Variants in SNX15 observed in about 807,000 individuals in gnomAD.
SNX15 encodes the protein sorting nexin 15, also known as sorting nexin-15.
A neutral mutation model predicts 35.2 loss-of-function variants in SNX15; 29 were observed. The ratio of observed to expected loss-of-function variants is 0.82; its 90% CI spans 0.61 to 1.12. The LOEUF is 1.12. Among genes scored for constraint, SNX15 ranks in the 50% most tolerant of loss-of-function variants. The pLI is 0.00. For missense variants in SNX15, 400 were observed against 451.5 expected (o/e 0.89, Z 1.03); for synonymous variants, 189 against 188.2 (o/e 1.00, Z -0.03).
Position 65,039,839 on chromosome 11 carries a change from C to G in SNX15, c.*47C>G. ...GGACTCTCGCTCCTGCACTGCCAGCCCCTTCTCCTCTCCCCAGGGCCTGGC... is the reference window on the plus strand; with the variant it reads ...GGACTCTCGCTCCTGCACTGCCAGCGCCTTCTCCTCTCCCCAGGGCCTGGC... On this transcript the variant is annotated 3_prime_UTR_variant, in exon 8 of 8. Transcript: ENST00000377244. The G allele has an allele frequency of 7.6e-7, 1 of 1,308,132 alleles. No individual in the cohort carries two copies. The highest frequency in any genetic ancestry group is 1.1e-6 in the Non-Finnish European group (1 of 918,368). The allele number at this position is 1,308,132 out of a possible 1,614,324, so 81.0% of individuals were successfully genotyped here.
chr11:65,033,158 G>T, intron 3 of SNX15, among the ~76,000 whole-genome samples: 1 of 152,114 alleles, frequency 6.6e-6, no homozygotes, highest in East Asian at 1.9e-4. Flanking sequence ...TTACAGGCGT[G>T]AGACACTGCA....
chr11:65,036,789 T>G (rs1946508645), intron 6 of SNX15: 1 of 151,850 alleles, frequency 6.6e-6, no homozygotes, highest in Admixed American at 6.6e-5. Context: ...TTCTCCTGCC[T>G]CAGCCTCCTG....
intron 7 of SNX15, 56 bp downstream of exon 7, chr11:65,038,885 G>A: frequency 2.8e-6 from 4 of 1,413,844 alleles, no homozygotes; most frequent in Non-Finnish European, 3.7e-6. Flanking sequence ...GGGCAGTGAT[G>A]AAGGGAGCAA....
chr11:65,031,896 C>CA (rs928440721), intron 1 of SNX15, among the ~76,000 whole-genome samples: 166 of 142,872 alleles, frequency 1.2e-3, no homozygotes, highest in Middle Eastern at 3.7e-3. Flanking sequence ...GACTCCATCT[C>CA]AAAAAAAAAA....
At position 65,032,452 on chromosome 11, in the gene SNX15, A is replaced by T. The variant is rs1946450801; in HGVS notation, c.157A>T (p.Ser53Cys). The T allele has an allele frequency of 6.2e-7, 1 of 1,614,040 alleles. No homozygotes were observed. The highest frequency in any genetic ancestry group is 8.5e-7 in the Non-Finnish European group (1 of 1,180,034). ...ATAGGTGGTGGTCTGGAAGCGGTACAGCGACTTCCGCAAGCTGCATGGAGA... is the reference window on the plus strand; with the variant it reads ...ATAGGTGGTGGTCTGGAAGCGGTACTGCGACTTCCGCAAGCTGCATGGAGA... ...VKEVVVWKRY[S>C]DFRKLHGDLA... Residue 53 changes from serine to cysteine, a missense_variant, in exon 3 of 8, where the codon AGC becomes TGC. Physicochemically the swap from Ser to Cys is moderately radical, Grantham distance 112. Coordinates refer to ENST00000377244, the MANE Select transcript of SNX15 (RefSeq NM_013306.5).
chr11:65,038,838 G>A lies in SNX15; in HGVS notation c.922+9G>A. The A allele has an allele frequency of 1.3e-6, 2 of 1,556,972 alleles. No individual in the cohort carries two copies. Among genetic ancestry groups the A allele is most frequent in the Non-Finnish European group, 1.7e-6 (2 of 1,148,758 alleles). Reference sequence around the variant, plus strand: ...GCTTCAGGGAGTCCCCAGTGAGTAGGGACTGAGGGTGGAGGGTCAGGCCTG... The same window carrying A: ...GCTTCAGGGAGTCCCCAGTGAGTAGAGACTGAGGGTGGAGGGTCAGGCCTG... On this transcript the variant is annotated intron_variant, in intron 7 of 7. Transcript: ENST00000377244.
intron 4 of SNX15, 36 bp downstream of exon 4, chr11:65,034,998 A>G (rs1426820411): frequency 6.2e-7 from 1 of 1,613,426 alleles, no homozygotes; most frequent in East Asian, 2.2e-5. Flanking sequence ...AACTTGGGCC[A>G]CTTACCCACC....
In SNX15 at chr11:65,039,869, C is replaced by G; in HGVS notation, c.*77C>G. 3 of 927,712 alleles carry G rather than the reference C, an allele frequency of 3.2e-6. No individual in the cohort carries two copies. Among genetic ancestry groups the G allele is most frequent in the Non-Finnish European group, 5.0e-6 (3 of 596,358 alleles). 57.5% of individuals were successfully genotyped at this position (927,712 alleles called of 1,614,324 possible). A position where few individuals can be genotyped will look rare whatever the true frequency, so the allele number is the denominator to read the frequency against. Reference sequence around the variant, plus strand: ...CTCCTCTCCCCAGGGCCTGGCCCTACCTCCTGGTCTTGTAATTACAGGAGC... The same window carrying G: ...CTCCTCTCCCCAGGGCCTGGCCCTAGCTCCTGGTCTTGTAATTACAGGAGC... On this transcript the variant is annotated 3_prime_UTR_variant, in exon 8 of 8. Coordinates refer to ENST00000377244, the MANE Select transcript of SNX15 (RefSeq NM_013306.5).
intron 1 of SNX15, among the ~76,000 whole-genome samples, chr11:65,031,314 G>A (rs536910526): frequency 3.9e-5 from 6 of 152,322 alleles, no homozygotes; most frequent in South Asian, 4.1e-4. Flanking sequence ...GTGAGCCACC[G>A]TGCCTGGCAT....
chr11:65,031,395 G>A (rs116156714), intron 1 of SNX15, among the ~76,000 whole-genome samples: 1,995 of 152,294 alleles, frequency 0.013, 42 homozygotes, highest in African/African-American at 0.045. Context: ...TGAACATAAC[G>A]ATGAAAACTG....
chr11:65,027,490 C>T lies in SNX15; in HGVS notation c.-48C>T, dbSNP rs776039886. The T allele has an allele frequency of 2.0e-6, 3 of 1,486,784 alleles. No homozygotes were observed. Among genetic ancestry groups the T allele is most frequent in the Non-Finnish European group, 2.8e-6 (3 of 1,065,898 alleles). 92.1% of individuals were successfully genotyped at this position (1,486,784 alleles called of 1,614,324 possible). A position where few individuals can be genotyped will look rare whatever the true frequency, so the allele number is the denominator to read the frequency against. On this transcript the variant is annotated 5_prime_UTR_variant, in exon 1 of 8. In the 5' UTR this introduces an upstream ATG that the reference lacks. Coordinates refer to ENST00000377244, the MANE Select transcript of SNX15 (RefSeq NM_013306.5). ...GGAGGCTGGGCCGGAGGGGTGGGGA[C>T]GGCGAGGAGGTGGAGGCCGGCGCTC... is the stretch of plus-strand genomic sequence containing the variant.
At chr11:65,034,439 C>T (rs1051944485) in intron 3 of SNX15, among the ~76,000 whole-genome samples, 9 of 152,150 alleles carry the variant, frequency 5.9e-5, no homozygotes, top group Admixed American at 3.3e-4. Context: ...AACGGGGGCT[C>T]CTTGCTTTGT....
chr11:65,034,924 G>A lies in SNX15; in HGVS notation c.334G>A (p.Ala112Thr). 6.2e-7 allele frequency: 1 copy of A among 1,614,090 alleles called. No homozygotes were observed. Among genetic ancestry groups the A allele is most frequent in the Non-Finnish European group, 8.5e-7 (1 of 1,179,978 alleles). ...DLLRFTVHIPALNNSPQLKEF... is the reference protein window; with the variant it reads ...DLLRFTVHIPTLNNSPQLKEF... ...GCTTCGCTTCACTGTGCACATACCTGCGCTCAACAACAGCCCCCAGCTCAA... is the reference window on the plus strand; with the variant it reads ...GCTTCGCTTCACTGTGCACATACCTACGCTCAACAACAGCCCCCAGCTCAA... The change falls in exon 4 of 8, where the codon GCG becomes ACG. Residue 112 changes from alanine (A) to threonine (T), a missense_variant. By Grantham distance (58) the Ala-to-Thr change is moderately conservative. Transcript: ENST00000377244.
chr11:65,032,196 T>G lies in SNX15; in HGVS notation c.128T>G (p.Val43Gly). 6.2e-7 allele frequency: 1 copy of G among 1,614,098 alleles called. No homozygotes were observed. Among genetic ancestry groups the G allele is most frequent in the Non-Finnish European group, 8.5e-7 (1 of 1,179,954 alleles). Residue 43 changes from valine to glycine, a missense_variant, in exon 2 of 8, where the codon GTC (valine) becomes GGC (glycine). By Grantham distance (109) the Val-to-Gly change is moderately radical (BLOSUM62 -3). Coordinates refer to ENST00000377244, the MANE Select transcript of SNX15 (RefSeq NM_013306.5). ...ATCTCAAAGAAGGACCCAGAGGATG[T>G]CAAAGAGGTGAGGCTCCTGGGAGGA... ...QFISKKDPED[V>G]KEVVVWKRYS...
chr11:65,039,868 A>C lies in SNX15; in HGVS notation c.*76A>C, dbSNP rs888388371. ...TCTCCTCTCCCCAGGGCCTGGCCCT[A>C]CCTCCTGGTCTTGTAATTACAGGAG... On this transcript the variant is annotated 3_prime_UTR_variant, in exon 8 of 8. Transcript: ENST00000377244. 1.1e-6 allele frequency: 1 copy of C among 946,920 alleles called. No homozygotes were observed. The highest frequency in any genetic ancestry group is 1.6e-6 in the Non-Finnish European group (1 of 607,342). 58.7% of individuals were successfully genotyped at this position (946,920 alleles called of 1,614,324 possible). A position where few individuals can be genotyped will look rare whatever the true frequency, so the allele number is the denominator to read the frequency against.
At chr11:65,035,370 C>G in intron 5 of SNX15, 150 bp from the exon 6 acceptor site, 2 of 1,229,230 alleles carry the variant, frequency 1.6e-6, no homozygotes, top group South Asian at 3.0e-5. Flanking sequence ...CTCTGTGCTA[C>G]AGTTTCTTGA....
Position 65,027,619 on chromosome 11 carries a change from TAC to T in SNX15, c.84_85del (p.Tyr28Ter). ...GACTCACCCCAAGGGCTACACCGAG[TAC>T]AAAGTAACCGCGCAGGTGAGGTGGG... ...PRTHPKGYTE[Y>X]KVTAQFISKK... is the part of the protein sequence containing the mutation. On this transcript the variant is annotated frameshift_variant, in exon 1 of 8. Transcript: ENST00000377244. LOFTEE classifies it high-confidence loss of function. 6.2e-7 allele frequency: 1 copy of T among 1,613,782 alleles called. No homozygotes were observed.
chr11:65,028,801 T>C (rs1946404613), intron 1 of SNX15, among the ~76,000 whole-genome samples: 2 of 148,000 alleles, frequency 1.4e-5, no homozygotes, highest in South Asian at 4.3e-4. Flanking sequence ...ATTATAAGTC[T>C]TCCCAGTGGT....
chr11:65,028,548 G>T (rs564691401), intron 1 of SNX15, among the ~76,000 whole-genome samples: 1 of 152,216 alleles, frequency 6.6e-6, no homozygotes, highest in Admixed American at 6.5e-5. Context: ...ATAAGGCCGG[G>T]CTCAGTGGCT....
Sources: allele counts gnomAD v4.1 joint callset (sites outside exome capture counted in the v4.1 genomes callset), GRCh38; gene constraint gnomAD v4.1.1; transcripts MANE v1.5; gene names NCBI Gene and HGNC (gene_info 2026-07-23, HGNC 2026-07-21).